Variants in DSCAM observed in about 807,000 individuals in gnomAD.
The protein encoded by DSCAM is cell adhesion molecule DSCAM.
In DSCAM, 47 loss-of-function variants were observed where a neutral mutation model predicts 217.7. The observed-to-expected ratio is 0.22, with a 90% CI of 0.17 to 0.28. The LOEUF is 0.28. DSCAM is among the 10% of genes least tolerant of loss of function. The probability of loss-of-function intolerance (pLI) is 1.00; values close to 1 mark genes in which losing one functional copy is unlikely to be tolerated. For synonymous variants in DSCAM, 1,056 were observed against 1,015.3 expected, an observed-to-expected ratio of 1.04 and a Z score of -0.76; for missense variants, 2,080 against 2,618.3, an observed-to-expected ratio of 0.79 and a Z score of 4.49.
In DSCAM at chr21:40,360,257, C is replaced by T. The variant is rs149702095; in HGVS notation, c.656-6514G>A. Reference sequence around the variant, plus strand: ...ACACCATTCTCCTGCCTTAGCCTCCCGAGTAGCTGGGACTACAGGCGCCTA... The same window carrying T: ...ACACCATTCTCCTGCCTTAGCCTCCTGAGTAGCTGGGACTACAGGCGCCTA... On this transcript the variant is annotated intron_variant, in intron 4 of 32. Coordinates refer to ENST00000400454, the MANE Select transcript of DSCAM (RefSeq NM_001389.5). 8.9e-3 allele frequency among the ~76,000 whole-genome samples: 1,353 copies of T among 151,250 alleles called. 26 individuals carry two copies. Among genetic ancestry groups the T allele is most frequent in the African/African-American group, 0.031 (1,269 of 41,168 alleles).
intron 1 of DSCAM, among the ~76,000 whole-genome samples, chr21:40,800,995 A>T (rs1412377288): frequency 6.8e-6 from 1 of 146,786 alleles, no homozygotes; most frequent in Non-Finnish European, 1.5e-5. Flanking sequence ...TCTTTCACCC[A>T]GGCTGGAGTG....
chr21:40,629,517 T>C (rs1044219414), intron 3 of DSCAM: 1 of 152,184 alleles, frequency 6.6e-6, no homozygotes, highest in Admixed American at 6.6e-5. Flanking sequence ...GGAAGGAGTT[T>C]TAAGAGCTAG....
At chr21:40,241,842 T>G (rs115244545) in intron 11 of DSCAM, among the ~76,000 whole-genome samples, 13 of 152,218 alleles carry the variant, frequency 8.5e-5, no homozygotes, top group African/African-American at 2.9e-4. Flanking sequence ...TCACGTCTTT[T>G]GTAGGGACAT....
intron 4 of DSCAM, among the ~76,000 whole-genome samples, chr21:40,355,844 A>G (rs1395316652): frequency 6.6e-6 from 1 of 152,098 alleles, no homozygotes; most frequent in Non-Finnish European, 1.5e-5. Context: ...TGCTTCTCTG[A>G]GTTTGACTTT....
At chr21:40,205,631 T>C (rs899367559) in intron 11 of DSCAM, among the ~76,000 whole-genome samples, 5 of 151,038 alleles carry the variant, frequency 3.3e-5, no homozygotes, top group African/African-American at 1.2e-4. Context: ...AAGTGTTCTC[T>C]TGAACACAGA....
intron 1 of DSCAM, among the ~76,000 whole-genome samples, chr21:40,720,773 T>C (rs2090893072): frequency 6.6e-6 from 1 of 152,114 alleles, no homozygotes; most frequent in African/African-American, 2.4e-5. Flanking sequence ...GGAGGAAATT[T>C]GAATAAAACT....
chr21:40,213,157 T>C (rs2091202108), intron 11 of DSCAM, among the ~76,000 whole-genome samples: 1 of 152,362 alleles, frequency 6.6e-6, no homozygotes. Flanking sequence ...TTGAACAGTA[T>C]AGAAAAATGT....
In DSCAM at chr21:40,208,161, G is replaced by C. The variant is rs192772222; in HGVS notation, c.2357-18923C>G. Among the ~76,000 whole-genome samples, 569 of 152,218 alleles carry C rather than the reference G, an allele frequency of 3.7e-3. 4 individuals are homozygous for C. Among genetic ancestry groups the C allele is most frequent in the Non-Finnish European group, 5.8e-3 (392 of 68,002 alleles). On this transcript the variant is annotated intron_variant, in intron 11 of 32. Transcript: ENST00000400454. Reference sequence around the variant, plus strand: ...CAACAAATATTCCTGGTTCAAATTTGAGCAGCACTGGCCAGGCATGGTGGC... The same window carrying C: ...CAACAAATATTCCTGGTTCAAATTTCAGCAGCACTGGCCAGGCATGGTGGC...
rs1328897072 is a variant in DSCAM, at chr21:40,369,259, A to T, written c.509-14T>A. ...GAAATCTAGATCCTGAAATAGAGGA[A>T]AACAGTGGCTTGGTTAAAAGACAAT... On this transcript the variant is annotated splice_polypyrimidine_tract_variant and intron_variant, in intron 3 of 32. Transcript: ENST00000400454. 3.1e-6 allele frequency: 5 copies of T among 1,605,594 alleles called. No individual in the cohort carries two copies. The highest frequency in any genetic ancestry group is 8.5e-7 in the Non-Finnish European group (1 of 1,176,410).
intron 1 of DSCAM, among the ~76,000 whole-genome samples, chr21:40,746,900 A>G (rs1014828020): frequency 4.6e-5 from 7 of 151,986 alleles, no homozygotes; most frequent in Non-Finnish European, 8.8e-5. Flanking sequence ...CTAAAAATCA[A>G]TAACAGAAGA....
intron 4 of DSCAM, among the ~76,000 whole-genome samples, chr21:40,354,095 T>C (rs78688182): frequency 6.6e-6 from 1 of 152,162 alleles, no homozygotes; most frequent in African/African-American, 2.4e-5. Flanking sequence ...AGATCCTTAA[T>C]GGGTACAAAT....
At chr21:40,354,766 A>G (rs951171819) in intron 4 of DSCAM, among the ~76,000 whole-genome samples, 2 of 149,630 alleles carry the variant, frequency 1.3e-5, no homozygotes, top group African/African-American at 5.0e-5. Context: ...GGAGAATGGC[A>G]TGAACCTGGG....
At chr21:40,235,663 G>A (rs941387626) in intron 11 of DSCAM, among the ~76,000 whole-genome samples, 3 of 151,812 alleles carry the variant, frequency 2.0e-5, no homozygotes, top group East Asian at 1.9e-4. Context: ...CACCTGATTC[G>A]ACACTTCTTC....
At chr21:40,343,768 G>A (rs1354934855) in intron 6 of DSCAM, among the ~76,000 whole-genome samples, 1 of 151,350 alleles carries the variant, frequency 6.6e-6, no homozygotes, top group East Asian at 1.9e-4. Context: ...AAATAATTCT[G>A]CCCTTTGTGT....
intron 3 of DSCAM, among the ~76,000 whole-genome samples, chr21:40,455,330 G>A (rs988740604): frequency 6.6e-6 from 1 of 152,032 alleles, no homozygotes; most frequent in Non-Finnish European, 1.5e-5. Flanking sequence ...AAAAGATGAA[G>A]TTCAGACGAG....
At chr21:40,084,932 G>A (rs1033211671) in intron 23 of DSCAM, among the ~76,000 whole-genome samples, 15 of 149,990 alleles carry the variant, frequency 1.0e-4, no homozygotes, top group African/African-American at 3.7e-4. Flanking sequence ...TTTACTTGCT[G>A]TAATCTATTA....
intron 3 of DSCAM, among the ~76,000 whole-genome samples, chr21:40,547,422 G>A (rs1040244299): frequency 1.3e-5 from 2 of 152,284 alleles, no homozygotes; most frequent in South Asian, 2.1e-4. Context: ...AAACACAGTC[G>A]TCTCCTTTTC....
intron 11 of DSCAM, among the ~76,000 whole-genome samples, chr21:40,269,191 G>A (rs1442052040): frequency 2.0e-5 from 3 of 152,136 alleles, no homozygotes; most frequent in African/African-American, 7.2e-5. Context: ...GACAGCAAAG[G>A]CAATAAAGTC....
intron 3 of DSCAM, among the ~76,000 whole-genome samples, chr21:40,481,657 C>G (rs1245287197): frequency 6.6e-6 from 1 of 151,690 alleles, no homozygotes; most frequent in African/African-American, 2.4e-5. Context: ...TCCAACAACA[C>G]TACGAAAGTG....
Sources: allele counts gnomAD v4.1 joint callset (sites outside exome capture counted in the v4.1 genomes callset), GRCh38; gene constraint gnomAD v4.1.1; transcripts MANE v1.5; gene names NCBI Gene and HGNC (gene_info 2026-07-23, HGNC 2026-07-21).